DOCK4: variants seen among roughly 807,000 people sequenced by gnomAD.
The protein encoded by DOCK4 is dedicator of cytokinesis protein 4.
DOCK4 carries 97 observed loss-of-function variants against 268.1 expected under a neutral mutation model. The ratio of observed to expected loss-of-function variants is 0.36; its 90% CI spans 0.31 to 0.43. The LOEUF (loss-of-function observed/expected upper bound fraction) is 0.43, where lower values mean the gene tolerates loss of function less well. Ranked by LOEUF, DOCK4 falls within the 20% of genes least tolerant of loss-of-function variation. The pLI, the probability that DOCK4 is intolerant of heterozygous loss-of-function variation, is 1.00. For synonymous variants in DOCK4, 954 were observed against 887.2 expected, an observed-to-expected ratio of 1.08 and a Z score of -1.34; for missense variants, 2,145 against 2,455.7, an observed-to-expected ratio of 0.87 and a Z score of 2.67.
chr7:111,814,946 G>T (rs753643662), intron 27 of DOCK4, among the ~76,000 whole-genome samples: 3 of 152,076 alleles, frequency 2.0e-5, no homozygotes, highest in Non-Finnish European at 4.4e-5. Flanking sequence ...AAAGTGACAC[G>T]ATGACTTTCA....
At position 111,976,159 on chromosome 7, in the gene DOCK4, A is replaced by ATATATATAT. The variant is rs60579240; in HGVS notation, c.701+972_701+973insATATATATA. Among the ~76,000 whole-genome samples, 118 of 70,148 alleles carry ATATATATAT rather than the reference A, an allele frequency of 1.7e-3. 5 individuals carry two copies. The highest frequency in any genetic ancestry group is 2.5e-3 in the Non-Finnish European group (101 of 40,636). 46.0% of individuals were successfully genotyped at this position (70,148 alleles called of 152,430 possible). A position where few individuals can be genotyped will look rare whatever the true frequency, so the allele number is the denominator to read the frequency against. ...CCATCTCAAAAAAAAAAAAAAAAAA[A>ATATATATAT]AAATATATATATATATATACACACA... On this transcript the variant is annotated intron_variant, in intron 8 of 52. Coordinates refer to ENST00000428084, the MANE Select transcript of DOCK4 (RefSeq NM_001363540.2).
intron 1 of DOCK4, among the ~76,000 whole-genome samples, chr7:112,160,250 G>T (rs1237259934): frequency 6.6e-6 from 1 of 152,090 alleles, no homozygotes; most frequent in Non-Finnish European, 1.5e-5. Flanking sequence ...CTCTCTCAGA[G>T]GGCTTTTGTG....
At chr7:112,195,007 AG>A (rs1820292523) in intron 1 of DOCK4, among the ~76,000 whole-genome samples, 1 of 152,224 alleles carries the variant, frequency 6.6e-6, no homozygotes, top group Admixed American at 6.5e-5. Flanking sequence ...GGCTGGGCGC[AG>A]TGGCTCACGC....
intron 1 of DOCK4, among the ~76,000 whole-genome samples, chr7:112,042,659 T>C (rs760797495): frequency 1.2e-4 from 18 of 152,232 alleles, no homozygotes; most frequent in Non-Finnish European, 2.4e-4. Context: ...ACCAATCATC[T>C]TGGGATAACT....
chr7:112,127,120 T>C (rs1051037286), intron 1 of DOCK4, among the ~76,000 whole-genome samples: 2 of 149,328 alleles, frequency 1.3e-5, no homozygotes, highest in African/African-American at 4.9e-5. Context: ...CGTATGTTTA[T>C]TGCGGCATTA....
intron 49 of DOCK4, among the ~76,000 whole-genome samples, chr7:111,738,673 C>T (rs2133414466): frequency 6.6e-6 from 1 of 152,316 alleles, no homozygotes; most frequent in East Asian, 1.9e-4. Context: ...AGTGGTGGCT[C>T]ATGCCTGTAA....
At chr7:112,048,677 C>T (rs80109679) in intron 1 of DOCK4, among the ~76,000 whole-genome samples, 3,867 of 150,514 alleles carry the variant, frequency 0.026, 175 homozygotes, top group African/African-American at 0.089. Context: ...AATCAAGAAT[C>T]AATTTCTGCA....
chr7:111,859,168 A>G lies in DOCK4; in HGVS notation c.2473+4204T>C, dbSNP rs148617324. Among the ~76,000 whole-genome samples, 160 of 152,230 alleles carry G rather than the reference A, an allele frequency of 1.1e-3. 3 individuals are homozygous for G. In the South Asian group the frequency reaches 0.022, roughly 21 times the overall value. On this transcript the variant is annotated intron_variant, in intron 23 of 52. Transcript: ENST00000428084. Reference sequence around the variant, plus strand: ...TGAGTAGCGGGGACCACAGGTATGCACCACCACACCTGACTATTTTTTGTT... The same window carrying G: ...TGAGTAGCGGGGACCACAGGTATGCGCCACCACACCTGACTATTTTTTGTT...
chr7:112,195,615 G>T (rs6965959), intron 1 of DOCK4, among the ~76,000 whole-genome samples: 25 of 151,562 alleles, frequency 1.6e-4, no homozygotes, highest in African/African-American at 5.6e-4. Flanking sequence ...GGCTATTTTC[G>T]GTTGCCTTAT....
At chr7:111,797,336 T>C (rs73715251) in intron 30 of DOCK4, among the ~76,000 whole-genome samples, 12,129 of 152,168 alleles carry the variant, frequency 0.08, 1,050 homozygotes, top group African/African-American at 0.21. Flanking sequence ...TAAGTTCCCT[T>C]CTCATTATAG....
At chr7:111,769,403 T>TA in intron 37 of DOCK4, 126 bp downstream of exon 37, 1 of 1,207,652 alleles carries the variant, frequency 8.3e-7, no homozygotes, top group East Asian at 2.4e-5. Flanking sequence ...TGGGTGTTTC[T>TA]AATATACATT....
At chr7:112,056,963 T>C (rs17159211) in intron 1 of DOCK4, among the ~76,000 whole-genome samples, 7,443 of 152,186 alleles carry the variant, frequency 0.049, 572 homozygotes, top group African/African-American at 0.17. Context: ...TATTAAAATA[T>C]CAAAATAAGC....
At chr7:111,775,005 T>C (rs1235765802) in intron 36 of DOCK4, among the ~76,000 whole-genome samples, 1 of 152,236 alleles carries the variant, frequency 6.6e-6, no homozygotes, top group East Asian at 1.9e-4. Flanking sequence ...AGAATAACTC[T>C]GCTGACAGTT....
At chr7:111,877,704 G>A (rs1272945070) in intron 16 of DOCK4, among the ~76,000 whole-genome samples, 6 of 152,148 alleles carry the variant, frequency 3.9e-5, no homozygotes, top group Non-Finnish European at 8.8e-5. Context: ...GTCCTACTAT[G>A]TGAGGGAAAT....
chr7:111,872,142 CT>C lies in DOCK4; in HGVS notation c.1927-53del, dbSNP rs1257215835. On this transcript the variant is annotated intron_variant, in intron 19 of 52. Coordinates refer to ENST00000428084, the MANE Select transcript of DOCK4 (RefSeq NM_001363540.2). Reference sequence around the variant, plus strand: ...AAACTAAATGCAAATCAAGGTTTTCCTTTTTTTTTTGCTTCTTTTTAAAATG... The same window carrying C: ...AAACTAAATGCAAATCAAGGTTTTCCTTTTTTTTTGCTTCTTTTTAAAATG... 10,322 of 1,161,096 alleles carry C rather than the reference CT, an allele frequency of 8.9e-3. 1 individual carries two copies. The highest frequency in any genetic ancestry group is 0.016 in the South Asian group (870 of 55,362). The allele number at this position is 1,161,096 out of a possible 1,614,324, so 71.9% of individuals were successfully genotyped here. A position where few individuals can be genotyped will look rare whatever the true frequency, so the allele number is the denominator to read the frequency against.
At chr7:112,030,898 G>T (rs1313271667) in intron 1 of DOCK4, among the ~76,000 whole-genome samples, 1 of 152,166 alleles carries the variant, frequency 6.6e-6, no homozygotes, top group Non-Finnish European at 1.5e-5. Context: ...CACAATCTAT[G>T]GCAAATACTC....
intron 1 of DOCK4, among the ~76,000 whole-genome samples, chr7:112,106,694 A>T (rs756982092): frequency 8.5e-5 from 13 of 152,202 alleles, no homozygotes; most frequent in Non-Finnish European, 1.3e-4. Context: ...GAGCTGAATG[A>T]ATTGGCTTGT....
At chr7:111,796,942 C>T (rs1799936972) in intron 30 of DOCK4, among the ~76,000 whole-genome samples, 1 of 152,160 alleles carries the variant, frequency 6.6e-6, no homozygotes, top group East Asian at 1.9e-4. Context: ...TGCCGAGATC[C>T]AAAAACCAGA....
At chr7:111,969,904 T>C (rs1797569910) in intron 8 of DOCK4, among the ~76,000 whole-genome samples, 2 of 152,214 alleles carry the variant, frequency 1.3e-5, no homozygotes. Context: ...CAAAAACTCA[T>C]ATGCCCAATC....
Sources: gnomAD v4.1 joint callset for allele counts (sites outside exome capture counted in the v4.1 genomes callset) on GRCh38, gnomAD v4.1.1 for gene constraint, MANE v1.5 for transcripts, NCBI Gene and HGNC (gene_info 2026-07-23, HGNC 2026-07-21) for gene names.